Variants in ANKMY1 observed in about 807,000 individuals in gnomAD.
ANKMY1 encodes the protein ankyrin repeat and MYND domain-containing protein 1.
In ANKMY1, 98 loss-of-function variants were observed where a neutral mutation model predicts 102.0. The ratio of observed to expected loss-of-function variants is 0.96; its 90% confidence interval spans 0.82 to 1.14. ANKMY1 has a LOEUF of 1.14. Among genes scored for constraint, ANKMY1 ranks in the 50% most tolerant of loss-of-function variants. The pLI is 0.00. For synonymous variants in ANKMY1, 582 were observed against 559.9 expected, an observed-to-expected ratio of 1.04 and a Z score of -0.56; for missense variants, 1,330 against 1,347.6, an observed-to-expected ratio of 0.99 and a Z score of 0.20.
rs865904257 is a variant in ANKMY1 at position 240,553,594 on chromosome 2, G to A, written c.337-537C>T. 23 of 153,828 alleles carry A rather than the reference G, an allele frequency of 1.5e-4. No individual in the cohort carries two copies. In the South Asian group the frequency reaches 3.0e-3, roughly 20 times the overall value. The allele number at this position is 153,828 out of a possible 1,614,324, so 9.5% of individuals were successfully genotyped here. A position where few individuals can be genotyped will look rare whatever the true frequency, so the allele number is the denominator to read the frequency against. ...GCCCCTTTACCAAGGCCCCCAGAGG[G>A]AAAAAGAATGTGACATTTGGCCGGG... On this transcript the variant is annotated intron_variant, in intron 3 of 17. Transcript: ENST00000401804.
At chr2:240,527,066 G>A (rs1030757062) in intron 5 of ANKMY1, 1 of 873,628 alleles carries the variant, frequency 1.1e-6, no homozygotes, top group Non-Finnish European at 1.4e-6. Context: ...TTGCATGAGT[G>A]AATTGATGGA....
intron 4 of ANKMY1, among the ~76,000 whole-genome samples, chr2:240,550,786 T>G (rs1179862031): frequency 6.6e-6 from 1 of 152,178 alleles, no homozygotes; most frequent in Non-Finnish European, 1.5e-5. Flanking sequence ...CAACAATAGT[T>G]AATGATTATT....
At chr2:240,481,147 C>T (rs953678722) in intron 16 of ANKMY1, 50 bp from the exon 17 acceptor site, 6 of 1,580,336 alleles carry the variant, frequency 3.8e-6, no homozygotes, top group Non-Finnish European at 5.2e-6. Flanking sequence ...AACCTGCTTC[C>T]CCACAAACAG....
At chr2:240,473,443 C>A in the ANKMY1 span, among the ~76,000 whole-genome samples, 1 of 139,932 alleles carries the variant, frequency 7.1e-6, no homozygotes, top group Non-Finnish European at 1.5e-5. Flanking sequence ...AATTGGTAAA[C>A]TTGAAGACAA....
Position 240,505,024 on chromosome 2 carries a change from C to T in ANKMY1, c.2526+2536G>A, listed in dbSNP as rs554224829. ...ACATACACACAATAAAATACCATCT[C>T]GCATCCATTAGGATGGCTACTATCA... On this transcript the variant is annotated intron_variant, in intron 13 of 17. Transcript: ENST00000401804. Among the ~76,000 whole-genome samples, 6 of 149,962 alleles carry T rather than the reference C, an allele frequency of 4.0e-5. 1 individual carries two copies. The highest frequency in any genetic ancestry group is 3.4e-3 in the Middle Eastern group (1 of 290).
At chr2:240,557,429 C>T in intron 1 of ANKMY1, 77 bp from the exon 2 acceptor site, 2 of 1,394,098 alleles carry the variant, frequency 1.4e-6, no homozygotes, top group Non-Finnish European at 1.9e-6. Context: ...AGGCCCGGCC[C>T]GCGGCCCCTG....
At chr2:240,504,581 T>TA (rs201930752) in intron 13 of ANKMY1, among the ~76,000 whole-genome samples, 5,381 of 151,020 alleles carry the variant, frequency 0.036, 129 homozygotes, top group South Asian at 0.083. Flanking sequence ...TCAATAATAT[T>TA]AAAAAAAAAG....
At chr2:240,554,730 CAAG>C (rs2092080639) in intron 3 of ANKMY1, 133 bp downstream of exon 3, 1 of 1,022,856 alleles carries the variant, frequency 9.8e-7, no homozygotes, top group Non-Finnish European at 1.4e-6. Flanking sequence ...GGACATTTCT[CAAG>C]GAGGAAAAAC....
chr2:240,528,051 G>A (rs1344515749), intron 5 of ANKMY1, among the ~76,000 whole-genome samples: 3 of 152,222 alleles, frequency 2.0e-5, no homozygotes, highest in Non-Finnish European at 4.4e-5. Flanking sequence ...AACTTTGGGA[G>A]GCTGAGGCGG....
chr2:240,494,851 G>T (rs894236833), intron 15 of ANKMY1, among the ~76,000 whole-genome samples: 6 of 152,056 alleles, frequency 3.9e-5, no homozygotes, highest in African/African-American at 1.4e-4. Context: ...AGGTGCCGAG[G>T]CAAGAGACAG....
intron 7 of ANKMY1, 105 bp downstream of exon 7, chr2:240,525,580 T>C (rs1044458266): frequency 2.1e-6 from 3 of 1,401,596 alleles, no homozygotes; most frequent in Non-Finnish European, 2.9e-6. Context: ...ACTCACCCTG[T>C]ACAAGCCTGG....
the ANKMY1 span, among the ~76,000 whole-genome samples, chr2:240,469,096 C>T: frequency 1.3e-5 from 2 of 152,190 alleles, no homozygotes; most frequent in Admixed American, 6.5e-5. Context: ...CACTCATCAG[C>T]GGCTGTAGTT....
intron 4 of ANKMY1, among the ~76,000 whole-genome samples, chr2:240,543,158 G>T (rs1014286916): frequency 5.1e-4 from 78 of 151,886 alleles, no homozygotes; most frequent in African/African-American, 1.9e-3. Flanking sequence ...GACCATCCTG[G>T]CTAACACGGT....
intron 2 of ANKMY1, among the ~76,000 whole-genome samples, chr2:240,556,194 G>A (rs1372497981): frequency 6.6e-6 from 1 of 151,342 alleles, no homozygotes; most frequent in Non-Finnish European, 1.5e-5. Context: ...TGGGAAAAGG[G>A]CTTGTGGGAA....
chr2:240,556,471 T>C (rs2092358435), intron 2 of ANKMY1, among the ~76,000 whole-genome samples: 1 of 152,244 alleles, frequency 6.6e-6, no homozygotes, highest in Non-Finnish European at 1.5e-5. Context: ...ATATGCTGTT[T>C]GAGCACAAAG....
At chr2:240,481,866 G>T (rs537790750) in intron 16 of ANKMY1, among the ~76,000 whole-genome samples, 9 of 152,158 alleles carry the variant, frequency 5.9e-5, no homozygotes, top group Non-Finnish European at 1.0e-4. Context: ...CCACTCAGCG[G>T]CCGTCTCTGG....
chr2:240,485,768 A>C (rs917986190), intron 15 of ANKMY1, among the ~76,000 whole-genome samples: 3 of 151,912 alleles, frequency 2.0e-5, no homozygotes, highest in Admixed American at 2.0e-4. Context: ...TTTAAAAAAA[A>C]TTTTTGTAGA....
At chr2:240,491,703 C>T (rs1574915181) in intron 15 of ANKMY1, among the ~76,000 whole-genome samples, 2 of 152,142 alleles carry the variant, frequency 1.3e-5, no homozygotes, top group African/African-American at 4.8e-5. Context: ...TGGGTGGCAG[C>T]GTTTTTTTTC....
chr2:240,526,621 C>T, intron 5 of ANKMY1, 176 bp from the exon 6 acceptor site: 1 of 1,452,280 alleles, frequency 6.9e-7, no homozygotes, highest in Non-Finnish European at 9.0e-7. Context: ...TCACAATCCA[C>T]TAGGTTGCAC....
Sources: gnomAD v4.1 joint callset for allele counts (sites outside exome capture counted in the v4.1 genomes callset) on GRCh38, gnomAD v4.1.1 for gene constraint, MANE v1.5 for transcripts, NCBI Gene and HGNC (gene_info 2026-07-23, HGNC 2026-07-21) for gene names.